The following MLIP variants were observed in gnomAD, a reference collection of about 807,000 sequenced individuals.
The protein encoded by MLIP is muscular LMNA interacting protein.
Under a neutral mutation model 84.8 loss-of-function variants are expected in MLIP, and 79 were observed. The ratio of observed to expected loss-of-function variants is 0.93; its 90% CI spans 0.78 to 1.12. The LOEUF is 1.12. Ranked by LOEUF, MLIP falls within the 50% of genes most tolerant of loss-of-function variation. The pLI, the probability that MLIP is intolerant of heterozygous loss-of-function variation, is 0.00. For missense variants in MLIP, 1,257 were observed against 1,160.6 expected (o/e 1.08, Z -1.21); for synonymous variants, 504 against 463.0 (o/e 1.09, Z -1.14).
intron 1 of MLIP, among the ~76,000 whole-genome samples, chr6:54,054,988 C>T (rs1442950288): frequency 2.0e-5 from 3 of 151,860 alleles, no homozygotes; most frequent in Admixed American, 1.3e-4. Context: ...CCTGGGTTCA[C>T]GCCATTCTCC....
intron 1 of MLIP, among the ~76,000 whole-genome samples, chr6:54,070,301 G>A (rs1766407242): frequency 6.6e-6 from 1 of 152,086 alleles, no homozygotes; most frequent in African/African-American, 2.4e-5. Flanking sequence ...TTGATATGAT[G>A]TTAGATTTTT....
chr6:54,052,496 A>G (rs932674447), intron 1 of MLIP, among the ~76,000 whole-genome samples: 2 of 152,182 alleles, frequency 1.3e-5, no homozygotes, highest in African/African-American at 2.4e-5. Context: ...GTTTTTAGCT[A>G]AAGTTTGAAA....
intron 1 of MLIP, chr6:54,058,015 C>T (rs1410276589): frequency 6.6e-6 from 1 of 152,038 alleles, no homozygotes; most frequent in South Asian, 2.1e-4. Flanking sequence ...AAACAGAAAG[C>T]TAAGTTATAG....
chr6:54,136,710 T>A lies in MLIP; in HGVS notation c.646-5T>A, dbSNP rs1400265908. 2.7e-6 allele frequency: 4 copies of A among 1,466,352 alleles called. No individual in the cohort carries two copies. In the South Asian group the frequency reaches 5.4e-5, roughly 20 times the overall value. The allele number at this position is 1,466,352 out of a possible 1,614,324, so 90.8% of individuals were successfully genotyped here. A position where few individuals can be genotyped will look rare whatever the true frequency, so the allele number is the denominator to read the frequency against. The stretch of plus-strand genomic sequence containing the variant: ...TTTCAATCTGTCTATTTCTCTTTCC[T>A]CTAGTTAACTTCTTCTCCCACTACC... On this transcript the variant is annotated splice_polypyrimidine_tract_variant and splice_region_variant and intron_variant, in intron 3 of 13. Coordinates refer to ENST00000502396, the MANE Select transcript of MLIP (RefSeq NM_001281747.2).
chr6:54,265,936 C>G lies in MLIP; in HGVS notation c.2977-14C>G. 2 of 1,610,108 alleles carry G rather than the reference C, an allele frequency of 1.2e-6. No homozygotes were observed. Among genetic ancestry groups the G allele is most frequent in the Non-Finnish European group, 1.7e-6 (2 of 1,177,916 alleles). ...TTCATCTTAACCTGACTACCATATT[C>G]TCTTATTTTACAGCAATGAAGTTGG... On this transcript the variant is annotated splice_polypyrimidine_tract_variant and intron_variant, in intron 13 of 13. Coordinates refer to ENST00000502396, the MANE Select transcript of MLIP (RefSeq NM_001281747.2).
chr6:54,107,223 G>T (rs201421955), upstream of MLIP, among the ~76,000 whole-genome samples: 7 of 152,204 alleles, frequency 4.6e-5, no homozygotes, highest in East Asian at 1.2e-3. Context: ...TTTTAAACTA[G>T]GAGGACATAC....
chr6:54,040,136 C>T (rs1345001045), intron 1 of MLIP, among the ~76,000 whole-genome samples: 1 of 151,960 alleles, frequency 6.6e-6, no homozygotes, highest in Non-Finnish European at 1.5e-5. Flanking sequence ...ATTCATTAAT[C>T]TATTAAAATA....
Position 54,149,089 on chromosome 6 carries a change from G to C in MLIP, c.2251G>C (p.Ala751Pro). 6.2e-7 allele frequency: 1 copy of C among 1,612,886 alleles called. No individual in the cohort carries two copies. The highest frequency in any genetic ancestry group is 8.5e-7 in the Non-Finnish European group (1 of 1,179,226). The change falls in exon 5 of 14, where the codon GCA becomes CCA. Residue 751 changes from alanine to proline, a missense_variant. Physicochemically the swap from Ala to Pro is conservative, Grantham distance 27. Coordinates refer to ENST00000502396, the MANE Select transcript of MLIP (RefSeq NM_001281747.2). ...YKTKSSYKAFAAIPTNTLLLE... is the reference protein window; with the variant it reads ...YKTKSSYKAFPAIPTNTLLLE... ...GACCAAGTCAAGCTACAAGGCTTTTGCAGCAATCCCTACAAACACATTGCT... is the reference window on the plus strand; with the variant it reads ...GACCAAGTCAAGCTACAAGGCTTTTCCAGCAATCCCTACAAACACATTGCT...
chr6:54,220,920 T>TAC (rs1364953560), intron 11 of MLIP, among the ~76,000 whole-genome samples: 57 of 149,666 alleles, frequency 3.8e-4, no homozygotes, highest in African/African-American at 1.2e-3. Context: ...ACAAAGGAGA[T>TAC]ATACACACAC....
intron 1 of MLIP, among the ~76,000 whole-genome samples, chr6:54,113,855 T>C (rs1012092650): frequency 6.6e-6 from 1 of 152,182 alleles, no homozygotes; most frequent in African/African-American, 2.4e-5. Context: ...CCTCCTTACC[T>C]ATACAAACTG....
intron 1 of MLIP, among the ~76,000 whole-genome samples, chr6:54,117,079 A>G (rs1371159970): frequency 2.0e-5 from 3 of 152,222 alleles, no homozygotes; most frequent in Non-Finnish European, 4.4e-5. Flanking sequence ...CAAATTAGGT[A>G]TAGACAGAAT....
chr6:54,044,145 A>T (rs1764900501), intron 1 of MLIP, among the ~76,000 whole-genome samples: 1 of 152,226 alleles, frequency 6.6e-6, no homozygotes, highest in Non-Finnish European at 1.5e-5. Flanking sequence ...TTCATAGCAA[A>T]CACAGTAAAC....
chr6:54,188,813 C>A (rs1031693278), intron 9 of MLIP, among the ~76,000 whole-genome samples: 5 of 152,128 alleles, frequency 3.3e-5, no homozygotes, highest in South Asian at 2.1e-4. Context: ...GAAATCTACA[C>A]CAAGGCACAT....
chr6:54,224,581 A>T (rs1056572372), intron 11 of MLIP, among the ~76,000 whole-genome samples: 2 of 151,990 alleles, frequency 1.3e-5, no homozygotes, highest in Non-Finnish European at 2.9e-5. Context: ...TTTTATTATT[A>T]TTATTATTTT....
chr6:54,173,059 A>C (rs1775931281), intron 9 of MLIP, among the ~76,000 whole-genome samples: 1 of 151,788 alleles, frequency 6.6e-6, no homozygotes, highest in African/African-American at 2.4e-5. Flanking sequence ...TGCTGAATTC[A>C]ACAATAATAA....
At chr6:54,142,622 C>A (rs180938566) in intron 4 of MLIP, among the ~76,000 whole-genome samples, 115 of 152,198 alleles carry the variant, frequency 7.6e-4, no homozygotes, top group African/African-American at 2.6e-3. Flanking sequence ...GTGGGCCACT[C>A]TTTAGTCTTT....
At chr6:54,216,384 T>C in intron 11 of MLIP, 1 of 985,278 alleles carries the variant, frequency 1.0e-6, no homozygotes, top group African/African-American at 1.7e-5. Context: ...AATCCAACTA[T>C]ATGTATAGAA....
At chr6:54,126,113 A>G (rs1309113875) in intron 3 of MLIP, among the ~76,000 whole-genome samples, 2 of 152,032 alleles carry the variant, frequency 1.3e-5, no homozygotes, top group East Asian at 3.9e-4. Flanking sequence ...ATATGCTGTG[A>G]TAGGTTTAAA....
At chr6:54,188,183 C>A (rs1309051851) in intron 9 of MLIP, among the ~76,000 whole-genome samples, 1 of 152,132 alleles carries the variant, frequency 6.6e-6, no homozygotes, top group East Asian at 1.9e-4. Context: ...CTGGGTGAAT[C>A]AATGAGTTAG....
Sources: allele counts gnomAD v4.1 joint callset (sites outside exome capture counted in the v4.1 genomes callset), GRCh38; gene constraint gnomAD v4.1.1; transcripts MANE v1.5; gene names NCBI Gene and HGNC (gene_info 2026-07-23, HGNC 2026-07-21).